FAM110B: variants seen among roughly 807,000 people sequenced by gnomAD.
The protein encoded by FAM110B is protein FAM110B.
A neutral mutation model predicts 20.4 loss-of-function variants in FAM110B; 6 were observed. The observed-to-expected ratio is 0.29, with a 90% CI of 0.16 to 0.58. The LOEUF is 0.58. Ranked by LOEUF, FAM110B falls within the 20% of genes least tolerant of loss-of-function variation. The pLI, the probability that FAM110B is intolerant of heterozygous loss-of-function variation, is 0.90. For missense variants in FAM110B, 434 were observed against 498.2 expected (o/e 0.87, Z 1.23); for synonymous variants, 226 against 214.1 (o/e 1.06, Z -0.49).
chr8:58,084,413 C>T (rs1331315422), intron 3 of FAM110B, among the ~76,000 whole-genome samples: 4 of 144,880 alleles, frequency 2.8e-5, no homozygotes, highest in East Asian at 2.0e-4. Flanking sequence ...TTTTTTGAGA[C>T]GGAGTCTCAC....
At chr8:58,014,118 A>T (rs1366462921) in intron 1 of FAM110B, among the ~76,000 whole-genome samples, 3 of 152,164 alleles carry the variant, frequency 2.0e-5, no homozygotes, top group Admixed American at 6.5e-5. Flanking sequence ...AACCCATGTC[A>T]GTTCTTCCTC....
intron 3 of FAM110B, among the ~76,000 whole-genome samples, chr8:58,085,733 T>C (rs1347695962): frequency 1.3e-5 from 2 of 152,174 alleles, no homozygotes; most frequent in African/African-American, 2.4e-5. Context: ...TTTTCTCTAC[T>C]TTGAACCCCC....
At chr8:58,037,580 AGTG>A (rs1805103980) in intron 2 of FAM110B, among the ~76,000 whole-genome samples, 1 of 152,066 alleles carries the variant, frequency 6.6e-6, no homozygotes, top group Non-Finnish European at 1.5e-5. Flanking sequence ...TGGAGGCTGC[AGTG>A]AGCTGATAGT....
intron 3 of FAM110B, among the ~76,000 whole-genome samples, chr8:58,096,186 T>A (rs1453292495): frequency 6.6e-6 from 1 of 151,960 alleles, no homozygotes; most frequent in African/African-American, 2.4e-5. Context: ...GTCTTGACTC[T>A]TTTTTTTGAG....
At chr8:58,017,128 A>C (rs567947214) in intron 1 of FAM110B, among the ~76,000 whole-genome samples, 196 of 152,314 alleles carry the variant, frequency 1.3e-3, no homozygotes, top group Admixed American at 1.8e-3. Flanking sequence ...AGTGCTTCTC[A>C]GTCATGCAGC....
intron 3 of FAM110B, among the ~76,000 whole-genome samples, chr8:58,116,666 A>AGCCTATTTTGAAGTTCTTGGGAG (rs879491320): frequency 6.6e-6 from 1 of 152,216 alleles, no homozygotes; most frequent in Non-Finnish European, 1.5e-5. Context: ...CTGTGGAATA[A>AGCCTATTTTGAAGTTCTTGGGAG]GCCTATTTTG....
chr8:58,105,694 G>A (rs981348411), intron 3 of FAM110B, among the ~76,000 whole-genome samples: 7 of 144,958 alleles, frequency 4.8e-5, no homozygotes, highest in African/African-American at 1.0e-4. Flanking sequence ...TCAGCCTCCC[G>A]AATAGCTGGG....
intron 3 of FAM110B, among the ~76,000 whole-genome samples, chr8:58,115,474 A>T (rs1807182265): frequency 6.6e-6 from 1 of 151,514 alleles, no homozygotes; most frequent in Non-Finnish European, 1.5e-5. Flanking sequence ...GCTCACTGCA[A>T]CCTCCTCCTC....
rs141325988 is a variant in FAM110B at position 58,049,715 on chromosome 8, T to A, written c.-414+18012T>A. ...TGTCTTTCTTAATAGCCTGTGAATA[T>A]CTGCAGAACAAGGGCTGAATCAGAT... On this transcript the variant is annotated intron_variant, in intron 2 of 3. Coordinates refer to ENST00000519262, the MANE Select transcript of FAM110B (RefSeq NM_001377989.1). Among the ~76,000 whole-genome samples the A allele has an allele frequency of 5.3e-5, 8 of 152,362 alleles. No homozygotes were observed. The East Asian group carries it at 1.2e-3, about 22-fold the overall frequency.
intron 2 of FAM110B, among the ~76,000 whole-genome samples, chr8:58,049,053 G>T (rs1238586616): frequency 6.6e-6 from 1 of 152,070 alleles, no homozygotes; most frequent in Non-Finnish European, 1.5e-5. Flanking sequence ...AAACTATAAT[G>T]GTGATTATTT....
At chr8:58,088,056 A>C (rs1286166655) in intron 3 of FAM110B, among the ~76,000 whole-genome samples, 1 of 152,170 alleles carries the variant, frequency 6.6e-6, no homozygotes, top group East Asian at 1.9e-4. Context: ...TTCCCACTTG[A>C]CTGGCTTATA....
intron 3 of FAM110B, among the ~76,000 whole-genome samples, chr8:58,109,346 T>C (rs1258170684): frequency 6.6e-6 from 1 of 152,034 alleles, no homozygotes; most frequent in Non-Finnish European, 1.5e-5. Flanking sequence ...TTTAACATAA[T>C]ATTTACAGGA....
chr8:58,033,485 T>C (rs969931307), intron 2 of FAM110B, among the ~76,000 whole-genome samples: 2 of 152,220 alleles, frequency 1.3e-5, no homozygotes, highest in African/African-American at 4.8e-5. Context: ...ACTTTCACAG[T>C]GTCTAAACTA....
intron 3 of FAM110B, among the ~76,000 whole-genome samples, chr8:58,117,869 G>A (rs1364509399): frequency 6.6e-6 from 1 of 152,152 alleles, no homozygotes; most frequent in African/African-American, 2.4e-5. Flanking sequence ...ACTTAATAGA[G>A]TGGAGACTTA....
intron 3 of FAM110B, among the ~76,000 whole-genome samples, chr8:58,097,747 G>T (rs771350337): frequency 6.6e-6 from 1 of 152,168 alleles, no homozygotes; most frequent in South Asian, 2.1e-4. Flanking sequence ...TGTCCTTTTT[G>T]TTGATGTTGA....
At chr8:58,094,335 A>G (rs1363455851) in intron 3 of FAM110B, among the ~76,000 whole-genome samples, 1 of 152,150 alleles carries the variant, frequency 6.6e-6, no homozygotes, top group East Asian at 1.9e-4. Context: ...CAGGTTTTCA[A>G]AGGGAATGCT....
intron 3 of FAM110B, among the ~76,000 whole-genome samples, chr8:58,125,445 T>C (rs1807475078): frequency 6.6e-6 from 1 of 152,282 alleles, no homozygotes; most frequent in Non-Finnish European, 1.5e-5. Context: ...TTTAATATCC[T>C]CATAGACATG....
At position 58,007,142 on chromosome 8, in the gene FAM110B, T is replaced by C. The variant is rs7007225; in HGVS notation, c.-512+12336T>C. Among the ~76,000 whole-genome samples the C allele has an allele frequency of 6.8e-3, 1,029 of 152,056 alleles. 11 individuals are homozygous for C. Among genetic ancestry groups the C allele is most frequent in the African/African-American group, 0.023 (946 of 41,484 alleles). On this transcript the variant is annotated intron_variant, in intron 1 of 3. Transcript: ENST00000519262. ...CATGGGCCTCTTCTCTTAGCTGGAATGTCATCTTCACCTTCACCATCTCTT... is the reference window on the plus strand; with the variant it reads ...CATGGGCCTCTTCTCTTAGCTGGAACGTCATCTTCACCTTCACCATCTCTT...
rs150268045 is a variant in FAM110B, at chr8:58,139,425, T to C, written c.-324-6482T>C. The stretch of plus-strand genomic sequence containing the variant: ...GCAGGTCCTGAAAGGGTGATGGTTT[T>C]GACTTAATGTTTCCAGATGGTTGGC... On this transcript the variant is annotated intron_variant, in intron 3 of 3. Coordinates refer to ENST00000519262, the MANE Select transcript of FAM110B (RefSeq NM_001377989.1). Among the ~76,000 whole-genome samples, 216 of 152,362 alleles carry C rather than the reference T, an allele frequency of 1.4e-3. 1 individual carries two copies. Among genetic ancestry groups the C allele is most frequent in the African/African-American group, 5.0e-3 (208 of 41,588 alleles).
Sources: allele counts gnomAD v4.1 joint callset (sites outside exome capture counted in the v4.1 genomes callset), GRCh38; gene constraint gnomAD v4.1.1; transcripts MANE v1.5; gene names NCBI Gene and HGNC (gene_info 2026-07-23, HGNC 2026-07-21).